The following PPP6R3 variants were observed in gnomAD, a reference collection of about 807,000 sequenced individuals.
PPP6R3 encodes the protein serine/threonine-protein phosphatase 6 regulatory subunit 3.
In PPP6R3, 38 loss-of-function variants were observed where a neutral mutation model predicts 110.7. The observed-to-expected ratio is 0.34, with a 90% CI of 0.26 to 0.45. The LOEUF (loss-of-function observed/expected upper bound fraction) is 0.45. PPP6R3 is among the 20% of genes least tolerant of loss of function. PPP6R3 has a pLI of 1.00. For missense variants in PPP6R3, 870 were observed against 1,062.4 expected (o/e 0.82, Z 2.52); for synonymous variants, 369 against 373.5 (o/e 0.99, Z 0.14).
chr11:68,470,571 G>T (rs908776002), intron 1 of PPP6R3, among the ~76,000 whole-genome samples: 1 of 152,164 alleles, frequency 6.6e-6, no homozygotes, highest in South Asian at 2.1e-4. Context: ...TTGAGCAGAG[G>T]TGTCACATGA....
chr11:68,607,710 G>A (rs999003968), intron 22 of PPP6R3, among the ~76,000 whole-genome samples: 1 of 152,058 alleles, frequency 6.6e-6, no homozygotes, highest in South Asian at 2.1e-4. Flanking sequence ...TCATCTGTCT[G>A]TCATCTATCT....
chr11:68,579,032 A>G (rs2099542915), intron 14 of PPP6R3, among the ~76,000 whole-genome samples: 1 of 152,206 alleles, frequency 6.6e-6, no homozygotes, highest in Admixed American at 6.5e-5. Context: ...GGGAAAATGT[A>G]TTTAAAATTG....
chr11:68,480,389 C>A lies in PPP6R3; in HGVS notation c.-158+19562C>A, dbSNP rs1266736127. On this transcript the variant is annotated intron_variant, in intron 1 of 23. Transcript: ENST00000393800. ...TTCAGCAAATATTTATTGAGCTCTT[C>A]TGTACCAGACACTGTCTGGGCACTT... 2.0e-5 allele frequency among the ~76,000 whole-genome samples: 3 copies of A among 152,238 alleles called. No individual in the cohort carries two copies. The East Asian group carries it at 5.8e-4, about 29-fold the overall frequency.
At chr11:68,607,017 A>G (rs890033419) in intron 22 of PPP6R3, among the ~76,000 whole-genome samples, 3 of 152,232 alleles carry the variant, frequency 2.0e-5, no homozygotes, top group Non-Finnish European at 2.9e-5. Context: ...TTCAGGAATG[A>G]TCTTAACCCA....
Position 68,573,935 on chromosome 11 carries a change from G to T in PPP6R3, c.1344-174G>T, listed in dbSNP as rs370619644. ...CACCCCTCCCTGACCATGCTGCATG[G>T]TCATATTCTGGCACCTTCCATTCCT... is the stretch of plus-strand genomic sequence containing the variant. On this transcript the variant is annotated intron_variant, in intron 12 of 23. Transcript: ENST00000393800. Among the ~76,000 whole-genome samples the T allele has an allele frequency of 1.2e-3, 177 of 152,260 alleles. 2 individuals are homozygous for T. In the South Asian group the frequency reaches 0.021, roughly 18 times the overall value.
intron 8 of PPP6R3, among the ~76,000 whole-genome samples, chr11:68,561,674 T>C (rs1011806819): frequency 5.9e-5 from 9 of 152,164 alleles, no homozygotes; most frequent in East Asian, 3.9e-4. Flanking sequence ...AAAAAACATA[T>C]CATCATTTTG....
chr11:68,591,845 C>G, intron 18 of PPP6R3, 139 bp downstream of exon 18: 1 of 1,101,910 alleles, frequency 9.1e-7, no homozygotes, highest in Non-Finnish European at 1.2e-6. Context: ...CCAGAAATGC[C>G]CTTGTTGGCG....
At chr11:68,530,454 A>T (rs1241781654) in intron 2 of PPP6R3, among the ~76,000 whole-genome samples, 1 of 152,214 alleles carries the variant, frequency 6.6e-6, no homozygotes, top group Non-Finnish European at 1.5e-5. Flanking sequence ...CTTGGGTGGA[A>T]GCAGCTGCTT....
chr11:68,551,438 A>T (rs1335748277), intron 6 of PPP6R3, among the ~76,000 whole-genome samples: 1 of 152,174 alleles, frequency 6.6e-6, no homozygotes, highest in Non-Finnish European at 1.5e-5. Context: ...CCGGTATTTC[A>T]TGCTGAACCA....
At chr11:68,516,538 A>G (rs1383500640) in intron 1 of PPP6R3, among the ~76,000 whole-genome samples, 1 of 152,210 alleles carries the variant, frequency 6.6e-6, no homozygotes, top group African/African-American at 2.4e-5. Context: ...TCTGGTCTCA[A>G]GCATTTTGGA....
At chr11:68,531,275 C>T (rs1407316019) in intron 2 of PPP6R3, among the ~76,000 whole-genome samples, 1 of 151,480 alleles carries the variant, frequency 6.6e-6, no homozygotes, top group African/African-American at 2.4e-5. Flanking sequence ...CAGGCCTGAG[C>T]CCTGTTTATT....
chr11:68,497,306 G>T (rs1357954961), intron 1 of PPP6R3, among the ~76,000 whole-genome samples: 3 of 150,576 alleles, frequency 2.0e-5, no homozygotes, highest in African/African-American at 7.4e-5. Context: ...CGCCCATCTC[G>T]GCCTCCCAAA....
chr11:68,497,100 G>A (rs1228206223), intron 1 of PPP6R3, among the ~76,000 whole-genome samples: 1 of 151,444 alleles, frequency 6.6e-6, no homozygotes, highest in Non-Finnish European at 1.5e-5. Flanking sequence ...AGGCGGGAGT[G>A]CAGTGGTGCG....
intron 15 of PPP6R3, 159 bp from the exon 16 acceptor site, chr11:68,587,768 G>A (rs1329825681): frequency 9.6e-6 from 7 of 725,964 alleles, no homozygotes; most frequent in Non-Finnish European, 1.7e-5. Flanking sequence ...TTGGCAAATT[G>A]TGTCTGAAAT....
chr11:68,601,805 TG>T, intron 20 of PPP6R3, 57 bp from the exon 21 acceptor site: 1 of 1,377,510 alleles, frequency 7.3e-7, no homozygotes, highest in South Asian at 1.2e-5. Flanking sequence ...TTGTGAATCT[TG>T]GGGTAACTGA....
At chr11:68,528,591 C>G (rs1279629546) in intron 2 of PPP6R3, among the ~76,000 whole-genome samples, 1 of 152,178 alleles carries the variant, frequency 6.6e-6, no homozygotes, top group African/African-American at 2.4e-5. Context: ...TTCCATGTTT[C>G]TGCCCCTTCT....
At chr11:68,599,765 A>T (rs1449684503) in intron 19 of PPP6R3, among the ~76,000 whole-genome samples, 5 of 152,328 alleles carry the variant, frequency 3.3e-5, no homozygotes, top group Admixed American at 6.5e-5. Flanking sequence ...ATTAACATTA[A>T]TCCCTCTTTG....
chr11:68,531,636 T>A (rs896954237), intron 2 of PPP6R3, among the ~76,000 whole-genome samples: 4 of 152,216 alleles, frequency 2.6e-5, no homozygotes, highest in Admixed American at 6.5e-5. Flanking sequence ...TTCCTGTGCC[T>A]TTGAAAGTTT....
chr11:68,597,193 G>A (rs187102890), intron 19 of PPP6R3, among the ~76,000 whole-genome samples: 16 of 152,326 alleles, frequency 1.1e-4, no homozygotes, highest in Non-Finnish European at 2.1e-4. Context: ...GAAGCAGATG[G>A]GCAGTGCAGG....
Sources: allele counts gnomAD v4.1 joint callset (sites outside exome capture counted in the v4.1 genomes callset), GRCh38; gene constraint gnomAD v4.1.1; transcripts MANE v1.5; gene names NCBI Gene and HGNC (gene_info 2026-07-23, HGNC 2026-07-21).